The following CCDC7 variants were observed in gnomAD, a reference collection of about 807,000 sequenced individuals.
CCDC7 encodes the protein coiled-coil domain-containing protein 7.
A neutral mutation model predicts 196.9 loss-of-function variants in CCDC7; 183 were observed. That is an observed-to-expected ratio of 0.93 (90% CI 0.82 to 1.05). The LOEUF (loss-of-function observed/expected upper bound fraction) is 1.05. Ranked by LOEUF, CCDC7 falls within the 50% of genes least tolerant of loss-of-function variation. The probability of loss-of-function intolerance (pLI) is 0.00; values close to 1 mark genes in which losing one functional copy is unlikely to be tolerated. For synonymous variants in CCDC7, 525 were observed against 484.6 expected (o/e 1.08, Z -1.10); for missense variants, 1,540 against 1,482.2 (o/e 1.04, Z -0.64).
intron 29 of CCDC7, among the ~76,000 whole-genome samples, chr10:32,787,527 A>C (rs2082061389): frequency 6.6e-6 from 1 of 152,232 alleles, no homozygotes. Flanking sequence ...AACTTCGGGC[A>C]GCACAGTGTG....
chr10:32,640,305 T>G (rs967555093), intron 20 of CCDC7, among the ~76,000 whole-genome samples: 5 of 152,206 alleles, frequency 3.3e-5, no homozygotes, highest in Non-Finnish European at 7.3e-5. Context: ...ATGGCTTTCT[T>G]TGTCTCTTTT....
chr10:32,594,594 G>A (rs184974595), intron 18 of CCDC7, among the ~76,000 whole-genome samples: 1 of 152,174 alleles, frequency 6.6e-6, no homozygotes, highest in East Asian at 1.9e-4. Context: ...AAGTTGAATA[G>A]GAGTGGTGAG....
intron 13 of CCDC7, among the ~76,000 whole-genome samples, chr10:32,549,617 CA>C (rs2053125318): frequency 6.6e-6 from 1 of 152,180 alleles, no homozygotes; most frequent in Non-Finnish European, 1.5e-5. Flanking sequence ...GATCCTGTTT[CA>C]TTCTCCTACA....
intron 28 of CCDC7, among the ~76,000 whole-genome samples, chr10:32,767,587 C>CTGT (rs1355433692): frequency 5.9e-5 from 9 of 151,928 alleles, no homozygotes; most frequent in Admixed American, 5.9e-4. Context: ...AATTGAACAA[C>CTGT]TATCCATACA....
At chr10:32,876,917 T>C (rs185718841), downstream of CCDC7, 4 of 152,240 alleles carry the variant, frequency 2.6e-5, no homozygotes, top group Admixed American at 2.6e-4. Flanking sequence ...ATAAATATTA[T>C]TGGCTATAAA....
intron 28 of CCDC7, among the ~76,000 whole-genome samples, chr10:32,753,167 C>A (rs2075917375): frequency 6.6e-6 from 1 of 151,932 alleles, no homozygotes; most frequent in Non-Finnish European, 1.5e-5. Context: ...AGTCTTTTGC[C>A]AATGGACTCA....
At chr10:32,669,763 T>A (rs1286581520) in intron 21 of CCDC7, among the ~76,000 whole-genome samples, 1 of 152,172 alleles carries the variant, frequency 6.6e-6, no homozygotes, top group Non-Finnish European at 1.5e-5. Flanking sequence ...CTTTTCTCTT[T>A]GTTAGTTTCA....
At chr10:32,809,906 C>T (rs539972550) in intron 30 of CCDC7, among the ~76,000 whole-genome samples, 1 of 149,484 alleles carries the variant, frequency 6.7e-6, no homozygotes, top group African/African-American at 2.5e-5. Context: ...ATAAATCATG[C>T]TACTATAAAG....
intron 28 of CCDC7, among the ~76,000 whole-genome samples, chr10:32,739,723 T>C (rs1020843896): frequency 1.3e-5 from 2 of 152,094 alleles, no homozygotes; most frequent in Non-Finnish European, 2.9e-5. Flanking sequence ...ACATAATGTA[T>C]TGGACAATAG....
intron 32 of CCDC7, among the ~76,000 whole-genome samples, chr10:32,832,023 T>C (rs1416194766): frequency 6.6e-6 from 1 of 152,204 alleles, no homozygotes; most frequent in East Asian, 1.9e-4. Flanking sequence ...TTGTGAATAA[T>C]TCATTACATT....
At chr10:32,764,992 G>A (rs1565439179) in intron 28 of CCDC7, among the ~76,000 whole-genome samples, 1 of 149,792 alleles carries the variant, frequency 6.7e-6, no homozygotes, top group Non-Finnish European at 1.5e-5. Context: ...CAAATGGTCA[G>A]TCTACTAAAT....
chr10:32,862,166 C>G (rs1024665992), intron 41 of CCDC7, among the ~76,000 whole-genome samples: 2 of 152,108 alleles, frequency 1.3e-5, no homozygotes, highest in African/African-American at 4.8e-5. Flanking sequence ...GGAACCAACC[C>G]AAATGCCCAT....
intron 20 of CCDC7, among the ~76,000 whole-genome samples, chr10:32,638,825 C>G (rs929577115): frequency 1.3e-5 from 2 of 152,088 alleles, no homozygotes; most frequent in African/African-American, 2.4e-5. Context: ...CTCCTTGTAC[C>G]TCTGGTAGAA....
intron 32 of CCDC7, among the ~76,000 whole-genome samples, chr10:32,828,685 A>G (rs2091765913): frequency 6.6e-6 from 1 of 152,148 alleles, no homozygotes; most frequent in South Asian, 2.1e-4. Flanking sequence ...CAACTAGGTG[A>G]CAATACTTTG....
At chr10:32,595,025 C>G (rs2060175974) in intron 18 of CCDC7, among the ~76,000 whole-genome samples, 1 of 152,006 alleles carries the variant, frequency 6.6e-6, no homozygotes, top group Non-Finnish European at 1.5e-5. Context: ...TTTGTTGTAT[C>G]CCTGCTAGGC....
chr10:32,844,893 C>T (rs1275962324), intron 33 of CCDC7, among the ~76,000 whole-genome samples: 1 of 151,728 alleles, frequency 6.6e-6, no homozygotes, highest in Non-Finnish European at 1.5e-5. Context: ...CACACACACA[C>T]ATAAAATGTT....
chr10:32,477,824 T>C (rs1414196980), intron 8 of CCDC7, among the ~76,000 whole-genome samples: 1 of 152,200 alleles, frequency 6.6e-6, no homozygotes, highest in Non-Finnish European at 1.5e-5. Flanking sequence ...CTTCTCTGGG[T>C]CTATTAAACT....
chr10:32,779,110 C>T (rs1454199041), intron 29 of CCDC7, 26 bp downstream of exon 30: 1 of 1,416,512 alleles, frequency 7.1e-7, no homozygotes, highest in African/African-American at 1.4e-5. Context: ...TGTTTGGATA[C>T]AGTAGAACAC....
At chr10:32,511,261 C>CGGG (rs371884255) in intron 9 of CCDC7, 5,988 of 376,816 alleles carry the variant, frequency 0.016, 65 homozygotes, top group Middle Eastern at 0.02. Flanking sequence ...CTGTGGGGGG[C>CGGG]GGGGGGGGCG....
Sources: allele counts gnomAD v4.1 joint callset (sites outside exome capture counted in the v4.1 genomes callset), GRCh38; gene constraint gnomAD v4.1.1; transcripts MANE v1.5; gene names NCBI Gene and HGNC (gene_info 2026-07-23, HGNC 2026-07-21).